The following PEX5L variants were observed in gnomAD, a reference collection of about 807,000 sequenced individuals.
PEX5L encodes the protein PEX5-related protein.
In PEX5L, 30 loss-of-function variants were observed where a neutral mutation model predicts 84.0. That is an observed-to-expected ratio of 0.36 (90% CI 0.27 to 0.48). PEX5L has a LOEUF of 0.48. PEX5L is among the 20% of genes least tolerant of loss of function. The probability of loss-of-function intolerance (pLI) is 0.99; values close to 1 mark genes in which losing one functional copy is unlikely to be tolerated. For synonymous variants in PEX5L, 270 were observed against 283.1 expected, an observed-to-expected ratio of 0.95 and a Z score of 0.46; for missense variants, 533 against 754.6, an observed-to-expected ratio of 0.71 and a Z score of 3.44.
chr3:180,031,859 C>A (rs1187240047), intron 1 of PEX5L, among the ~76,000 whole-genome samples: 2 of 152,022 alleles, frequency 1.3e-5, no homozygotes, highest in Admixed American at 6.5e-5. Flanking sequence ...TGTGTTTTAA[C>A]CTTTTCTTAT....
At chr3:179,894,990 T>C (rs933040963) in intron 3 of PEX5L, among the ~76,000 whole-genome samples, 1 of 152,162 alleles carries the variant, frequency 6.6e-6, no homozygotes, top group Non-Finnish European at 1.5e-5. Context: ...ATCAATCTTC[T>C]GGCAAACGGC....
At chr3:180,005,228 G>T (rs1457739794) in intron 1 of PEX5L, among the ~76,000 whole-genome samples, 1 of 152,052 alleles carries the variant, frequency 6.6e-6, no homozygotes, top group African/African-American at 2.4e-5. Flanking sequence ...AAGTGTAAAT[G>T]GATTGATGAG....
chr3:179,842,153 A>G (rs1347056991), intron 8 of PEX5L, among the ~76,000 whole-genome samples: 2 of 152,226 alleles, frequency 1.3e-5, no homozygotes, highest in African/African-American at 2.4e-5. Context: ...ACATGCACCA[A>G]CTTTTCAAAG....
At chr3:179,908,089 A>G (rs1763878820) in intron 2 of PEX5L, among the ~76,000 whole-genome samples, 1 of 152,236 alleles carries the variant, frequency 6.6e-6, no homozygotes, top group Admixed American at 6.5e-5. Context: ...TTCCTATTCT[A>G]AAATTGTGGA....
At chr3:180,023,562 C>A (rs1266129242) in intron 1 of PEX5L, among the ~76,000 whole-genome samples, 1 of 152,040 alleles carries the variant, frequency 6.6e-6, no homozygotes, top group African/African-American at 2.4e-5. Context: ...CGGCCCTGAC[C>A]AAGCACTCAC....
intron 8 of PEX5L, among the ~76,000 whole-genome samples, chr3:179,848,801 G>A (rs1237957428): frequency 6.6e-6 from 1 of 152,148 alleles, no homozygotes; most frequent in African/African-American, 2.4e-5. Flanking sequence ...TGGGGTAGGG[G>A]TCAGTGGGGA....
intron 8 of PEX5L, among the ~76,000 whole-genome samples, chr3:179,855,103 CAG>C (rs1743405932): frequency 6.6e-6 from 1 of 151,938 alleles, no homozygotes; most frequent in East Asian, 1.9e-4. Flanking sequence ...GGGAGAGGAA[CAG>C]AGAGAAAGGC....
At chr3:179,917,546 A>G (rs12632931) in intron 2 of PEX5L, among the ~76,000 whole-genome samples, 38,799 of 152,090 alleles carry the variant, frequency 0.26, 5,950 homozygotes, top group East Asian at 0.65. Flanking sequence ...TAATGCATTG[A>G]GCTATGACAT....
intron 7 of PEX5L, among the ~76,000 whole-genome samples, chr3:179,865,724 G>T (rs548592261): frequency 6.6e-5 from 10 of 152,220 alleles, no homozygotes; most frequent in Non-Finnish European, 1.3e-4. Context: ...TCACTGGAAG[G>T]CCTTGTTAAA....
chr3:180,011,699 C>G (rs953208957), intron 1 of PEX5L, among the ~76,000 whole-genome samples: 1 of 152,074 alleles, frequency 6.6e-6, no homozygotes, highest in Non-Finnish European at 1.5e-5. Flanking sequence ...GTCTTCTACC[C>G]CCATAACTGA....
chr3:179,849,691 G>A (rs959630380), intron 8 of PEX5L, among the ~76,000 whole-genome samples: 6 of 152,186 alleles, frequency 3.9e-5, no homozygotes, highest in African/African-American at 1.2e-4. Flanking sequence ...ACATGCCAAT[G>A]GACAAACAGA....
intron 1 of PEX5L, among the ~76,000 whole-genome samples, chr3:180,003,403 G>GA (rs1203892872): frequency 2.0e-5 from 3 of 151,356 alleles, no homozygotes; most frequent in African/African-American, 7.3e-5. Flanking sequence ...GAAAAAAAAA[G>GA]AAAAAAATAA....
At chr3:180,028,258 T>C (rs905920412) in intron 1 of PEX5L, among the ~76,000 whole-genome samples, 1 of 152,206 alleles carries the variant, frequency 6.6e-6, no homozygotes, top group Non-Finnish European at 1.5e-5. Context: ...CTTATTCAAA[T>C]GGCCAGTCTA....
intron 9 of PEX5L, among the ~76,000 whole-genome samples, chr3:179,816,783 T>C (rs1389767177): frequency 1.3e-5 from 2 of 152,184 alleles, no homozygotes; most frequent in African/African-American, 4.8e-5. Flanking sequence ...TTATTATTTA[T>C]TTTAAATTTA....
intron 1 of PEX5L, among the ~76,000 whole-genome samples, chr3:180,002,033 C>T (rs1386539579): frequency 6.6e-6 from 1 of 152,168 alleles, no homozygotes; most frequent in African/African-American, 2.4e-5. Flanking sequence ...AACTATACTT[C>T]AAGAACAACC....
intron 2 of PEX5L, among the ~76,000 whole-genome samples, chr3:179,933,146 T>C (rs953140887): frequency 1.3e-5 from 2 of 152,230 alleles, no homozygotes; most frequent in African/African-American, 4.8e-5. Context: ...TCAGTTAACA[T>C]AATGAATGAC....
intron 14 of PEX5L, among the ~76,000 whole-genome samples, chr3:179,802,301 A>G (rs1407257920): frequency 1.3e-5 from 2 of 152,024 alleles, no homozygotes; most frequent in Non-Finnish European, 2.9e-5. Context: ...TTGGGAGGCC[A>G]AGGCAGGTGG....
rs1716987279 is a variant in PEX5L at position 179,796,437 on chromosome 3, G to A, written c.*5391C>T. The A allele has an allele frequency of 6.6e-6, 1 of 152,112 alleles. No individual in the cohort carries two copies. The highest frequency in any genetic ancestry group is 1.5e-5 in the Non-Finnish European group (1 of 68,022). The allele number at this position is 152,112 out of a possible 1,614,324, so 9.4% of individuals were successfully genotyped here. ...GTGTTATTTTGGTATTTCTGCAGAA[G>A]CTGCAGGTAGTGGAAACTTCGTTCA... On this transcript the variant is annotated 3_prime_UTR_variant, in exon 15 of 15. Transcript: ENST00000467460.
In PEX5L at chr3:179,874,225, CA is replaced by C. The variant is rs1402122015; in HGVS notation, c.726+101del. 7.7e-6 allele frequency: 5 copies of C among 648,638 alleles called. No homozygotes were observed. In the African/African-American group the frequency reaches 9.3e-5, roughly 12 times the overall value. 40.2% of individuals were successfully genotyped at this position (648,638 alleles called of 1,614,324 possible). The stretch of plus-strand genomic sequence containing the variant: ...GAAACAGCACATGAAACGCAATGTA[CA>C]AAAAATACTTCAAACTTTTTGTACA... On this transcript the variant is annotated intron_variant, in intron 7 of 14. Coordinates refer to ENST00000467460, the MANE Select transcript of PEX5L (RefSeq NM_016559.3).
Sources: allele counts gnomAD v4.1 joint callset (sites outside exome capture counted in the v4.1 genomes callset), GRCh38; gene constraint gnomAD v4.1.1; transcripts MANE v1.5; gene names NCBI Gene and HGNC (gene_info 2026-07-23, HGNC 2026-07-21).